Variants in ITPR1 observed in about 807,000 individuals in gnomAD.
The protein encoded by ITPR1 is inositol 1,4,5-trisphosphate receptor type 1.
ITPR1 carries 96 observed loss-of-function variants against 318.4 expected under a neutral mutation model. That is an observed-to-expected ratio of 0.30 (90% CI 0.26 to 0.36). The LOEUF is 0.36. Among genes scored for constraint, ITPR1 ranks in the 10% least tolerant of loss-of-function variants. ITPR1 has a pLI of 1.00. For synonymous variants in ITPR1, 1,312 were observed against 1,289.9 expected, an observed-to-expected ratio of 1.02 and a Z score of -0.37; for missense variants, 2,440 against 3,460.2, an observed-to-expected ratio of 0.71 and a Z score of 7.40.
At chr3:4,835,119 C>A (rs2050804076) in intron 60 of ITPR1, among the ~76,000 whole-genome samples, 1 of 151,314 alleles carries the variant, frequency 6.6e-6, no homozygotes, top group African/African-American at 2.4e-5. Flanking sequence ...ACCCTGCCCG[C>A]CCACCCACCA....
intron 50 of ITPR1, among the ~76,000 whole-genome samples, chr3:4,783,602 T>C (rs916760371): frequency 3.9e-5 from 6 of 152,148 alleles, no homozygotes; most frequent in Admixed American, 6.6e-5. Flanking sequence ...GAACCATGTG[T>C]GGGCACGAGC....
At chr3:4,717,880 CT>C (rs1442576043) in intron 40 of ITPR1, among the ~76,000 whole-genome samples, 1 of 152,198 alleles carries the variant, frequency 6.6e-6, no homozygotes, top group African/African-American at 2.4e-5. Context: ...TCATATAAAA[CT>C]TTTTTTAAGC....
chr3:4,843,155 C>T (rs2051490504), intron 61 of ITPR1, among the ~76,000 whole-genome samples: 1 of 149,970 alleles, frequency 6.7e-6, no homozygotes, highest in Non-Finnish European at 1.5e-5. Flanking sequence ...AGCAGTTGCC[C>T]AATTCCTTCT....
At chr3:4,565,683 T>C (rs545546509) in intron 4 of ITPR1, among the ~76,000 whole-genome samples, 25 of 152,302 alleles carry the variant, frequency 1.6e-4, no homozygotes, top group African/African-American at 6.0e-4. Flanking sequence ...TGGCTACTAA[T>C]TCTCTTTTGA....
chr3:4,680,657 A>C lies in ITPR1; in HGVS notation c.3072A>C (p.Gly1024=). ...CCCAGACTTCAGAAACATCCTCCGG[A>C]AACAGCAGCCAAGAAGGGCCAAGTA... The part of the protein sequence containing the change: ...SNSQTSETSS[G]NSSQEGPSNV... The change falls in exon 25 of 62, where the codon GGA becomes GGC. Residue 1024 remains glycine (G), a synonymous_variant. Coordinates refer to ENST00000649015, the MANE Select transcript of ITPR1 (RefSeq NM_001378452.1). 6.2e-7 allele frequency: 1 copy of C among 1,613,740 alleles called. No homozygotes were observed. Among genetic ancestry groups the C allele is most frequent in the Non-Finnish European group, 8.5e-7 (1 of 1,179,730 alleles).
chr3:4,536,010 T>C lies in ITPR1; in HGVS notation c.163+14916T>C, dbSNP rs1018668133. On this transcript the variant is annotated intron_variant, in intron 4 of 61. Coordinates refer to ENST00000649015, the MANE Select transcript of ITPR1 (RefSeq NM_001378452.1). ...ATAGTGGCTGGAAATGTCATCAATATTGTGTGAACTTAGAAAGCTGTGGTA... is the reference window on the plus strand; with the variant it reads ...ATAGTGGCTGGAAATGTCATCAATACTGTGTGAACTTAGAAAGCTGTGGTA... Among the ~76,000 whole-genome samples the C allele has an allele frequency of 2.6e-5, 4 of 152,158 alleles. No homozygotes were observed. The South Asian group carries it at 8.3e-4, about 32-fold the overall frequency.
chr3:4,680,644 A>C lies in ITPR1; in HGVS notation c.3059A>C (p.Glu1020Ala). Reference sequence around the variant, plus strand: ...GATGAAAGCAATTCCCAGACTTCAGAAACATCCTCCGGAAACAGCAGCCAA... The same window carrying C: ...GATGAAAGCAATTCCCAGACTTCAGCAACATCCTCCGGAAACAGCAGCCAA... ...EFDESNSQTS[E>A]TSSGNSSQEG... The change falls in exon 25 of 62, where the codon GAA becomes GCA. Residue 1020 changes from glutamate (E) to alanine (A), a missense_variant. Physicochemically the swap from Glu to Ala is moderately radical, Grantham distance 107 (BLOSUM62 -1). Transcript: ENST00000649015. The C allele has an allele frequency of 6.2e-7, 1 of 1,613,896 alleles. No homozygotes were observed. Among genetic ancestry groups the C allele is most frequent in the Non-Finnish European group, 8.5e-7 (1 of 1,179,800 alleles).
chr3:4,546,233 T>C lies in ITPR1; in HGVS notation c.163+25139T>C, dbSNP rs566495767. On this transcript the variant is annotated intron_variant, in intron 4 of 61. Coordinates refer to ENST00000649015, the MANE Select transcript of ITPR1 (RefSeq NM_001378452.1). ...AATTCTTTTCTTTGAGAGGATAGAG[T>C]TGGGGAGCAGAAAGTGTCTTCTCCA... Among the ~76,000 whole-genome samples the C allele has an allele frequency of 2.2e-4, 34 of 152,172 alleles. No homozygotes were observed. The South Asian group carries it at 6.4e-3, about 29-fold the overall frequency.
At chr3:4,602,543 A>C (rs889559499) in intron 4 of ITPR1, among the ~76,000 whole-genome samples, 6 of 152,062 alleles carry the variant, frequency 3.9e-5, no homozygotes, top group African/African-American at 1.4e-4. Context: ...AAAAAAAAAA[A>C]AAAAAACTTG....
chr3:4,635,975 C>G (rs1415231589), intron 5 of ITPR1, among the ~76,000 whole-genome samples: 1 of 152,090 alleles, frequency 6.6e-6, no homozygotes, highest in African/African-American at 2.4e-5. Flanking sequence ...ATTCTCCTGC[C>G]TCAGCCTCCC....
At chr3:4,562,423 G>A (rs2086774181) in intron 4 of ITPR1, among the ~76,000 whole-genome samples, 2 of 152,096 alleles carry the variant, frequency 1.3e-5, no homozygotes, top group South Asian at 2.1e-4. Context: ...TATTTTGTTT[G>A]CACATACTAT....
chr3:4,662,684 C>T (rs1171682464), intron 15 of ITPR1, among the ~76,000 whole-genome samples: 3 of 152,166 alleles, frequency 2.0e-5, no homozygotes, highest in Non-Finnish European at 4.4e-5. Context: ...GATCATACCA[C>T]TGCACTTCAG....
At chr3:4,662,800 C>G (rs1283113208) in intron 15 of ITPR1, among the ~76,000 whole-genome samples, 1 of 152,152 alleles carries the variant, frequency 6.6e-6, no homozygotes, top group African/African-American at 2.4e-5. Context: ...AACCACATTA[C>G]TAAATGTCAG....
intron 44 of ITPR1, among the ~76,000 whole-genome samples, chr3:4,738,452 GA>G (rs2043440961): frequency 6.6e-6 from 1 of 152,210 alleles, no homozygotes; most frequent in African/African-American, 2.4e-5. Context: ...AATGTTGGCT[GA>G]AATGGCGTCT....
In ITPR1 at chr3:4,676,800, A is replaced by G; in HGVS notation, c.2966A>G (p.Gln989Arg). 6.2e-7 allele frequency: 1 copy of G among 1,611,038 alleles called. No homozygotes were observed. The highest frequency in any genetic ancestry group is 8.5e-7 in the Non-Finnish European group (1 of 1,178,222). The change falls in exon 24 of 62, where the codon CAG (glutamine) becomes CGG (arginine). Residue 989 changes from glutamine (Q) to arginine (R), a missense_variant and splice_region_variant. This residue lies in a region of ITPR1 where 478 missense variants were observed against 696.3 expected (regional missense o/e 0.69). Transcript: ENST00000649015. The stretch of plus-strand genomic sequence containing the variant: ...AAGCTGAAGATCATTGAGATACTCC[A>G]GGTATCCACTAGCTGGAGCTGGGGT... ...DTKLKIIEIL[Q>R]FILNVRLDYR...
chr3:4,800,856 T>C (rs1468638409), intron 54 of ITPR1, among the ~76,000 whole-genome samples: 3 of 152,212 alleles, frequency 2.0e-5, no homozygotes, highest in Non-Finnish European at 1.5e-5. Flanking sequence ...TGTCAGGAGA[T>C]AGGCAGAAAA....
At chr3:4,683,270 A>G (rs780347610) in intron 26 of ITPR1, 116 bp from the exon 27 acceptor site, 1 of 948,482 alleles carries the variant, frequency 1.1e-6, no homozygotes, top group Non-Finnish European at 1.7e-6. Context: ...GTGAAATTGC[A>G]TGTCTGGAGA....
At chr3:4,836,691 G>C in intron 60 of ITPR1, 83 bp from the exon 61 acceptor site, 2 of 1,231,856 alleles carry the variant, frequency 1.6e-6, no homozygotes, top group East Asian at 2.9e-5. Context: ...AACATGGCAC[G>C]GTAAGCTGGC....
At chr3:4,615,272 G>A (rs932671828) in intron 4 of ITPR1, among the ~76,000 whole-genome samples, 5 of 152,234 alleles carry the variant, frequency 3.3e-5, no homozygotes, top group South Asian at 2.1e-4. Context: ...ACAACTAAGT[G>A]TGGGCAGGTA....
Sources: gnomAD v4.1 joint callset for allele counts (sites outside exome capture counted in the v4.1 genomes callset) on GRCh38, gnomAD v4.1.1 for gene constraint, gnomAD v4.1.1 regional missense constraint, MANE v1.5 for transcripts, NCBI Gene and HGNC (gene_info 2026-07-23, HGNC 2026-07-21) for gene names.